The following SLC38A12 variants were observed in gnomAD, a reference collection of about 807,000 sequenced individuals.
SLC38A12 encodes solute carrier family 38 member 12.
At chr17:74,837,664 A>G in the SLC38A12 span, 5 of 985,622 alleles carry the variant, frequency 5.1e-6, no homozygotes, top group South Asian at 9.4e-5. Flanking sequence ...TGTTCACGCT[A>G]TATCCCTTGG....
At chr17:74,787,811 T>G in the SLC38A12 span, among the ~76,000 whole-genome samples, 1 of 136,812 alleles carries the variant, frequency 7.3e-6, no homozygotes, top group African/African-American at 2.7e-5. Flanking sequence ...TTTTTTTTTT[T>G]GAGACAGAAT....
the SLC38A12 span, chr17:74,795,552 G>A: frequency 9.9e-6 from 16 of 1,614,114 alleles, no homozygotes; most frequent in Non-Finnish European, 1.4e-5. Flanking sequence ...CTCCTGCGGT[G>A]TGGAAGCAGA....
chr17:74,789,068 G>A, the SLC38A12 span, among the ~76,000 whole-genome samples: 2 of 152,274 alleles, frequency 1.3e-5, no homozygotes, highest in East Asian at 1.9e-4. Flanking sequence ...CCACTTTCCC[G>A]TCTCAGCCTC....
the SLC38A12 span, among the ~76,000 whole-genome samples, chr17:74,833,441 A>G: frequency 6.6e-6 from 1 of 152,162 alleles, no homozygotes; most frequent in Non-Finnish European, 1.5e-5. Flanking sequence ...TCAGGGGTGT[A>G]TGTGTGTGTG....
At chr17:74,790,424 G>C in the SLC38A12 span, 6 of 834,786 alleles carry the variant, frequency 7.2e-6, no homozygotes, top group Non-Finnish European at 1.2e-5. Context: ...TCTGAGGCAG[G>C]CCCTGTGGTA....
the SLC38A12 span, among the ~76,000 whole-genome samples, chr17:74,801,098 A>C: frequency 6.6e-6 from 1 of 152,168 alleles, no homozygotes; most frequent in Admixed American, 6.5e-5. Flanking sequence ...GGGACATCCA[A>C]GTGCCTCCTT....
At chr17:74,838,286 C>A in the SLC38A12 span, 1 of 985,932 alleles carries the variant, frequency 1.0e-6, no homozygotes, top group South Asian at 4.7e-5. Flanking sequence ...TCTATCATTG[C>A]GACTTCCTCC....
At chr17:74,836,249 C>G in the SLC38A12 span, 2 of 1,611,430 alleles carry the variant, frequency 1.2e-6, no homozygotes, top group Non-Finnish European at 1.7e-6. The surrounding 1 kb of genome is among the most constrained non-coding windows in gnomAD (Gnocchi z 4.2). Context: ...TGGGCCTGGC[C>G]GCTGTGCGCT....
At chr17:74,782,312 C>T in the SLC38A12 span, among the ~76,000 whole-genome samples, 1 of 152,176 alleles carries the variant, frequency 6.6e-6, no homozygotes, top group South Asian at 2.1e-4. Context: ...AGGCAATACA[C>T]CCACCTCAGC....
the SLC38A12 span, among the ~76,000 whole-genome samples, chr17:74,783,170 T>A: frequency 6.6e-6 from 1 of 152,136 alleles, no homozygotes; most frequent in Non-Finnish European, 1.5e-5. Flanking sequence ...CATCCAAAAC[T>A]GGATGGTGAA....
At chr17:74,824,827 C>T in the SLC38A12 span, among the ~76,000 whole-genome samples, 1 of 152,202 alleles carries the variant, frequency 6.6e-6, no homozygotes, top group Non-Finnish European at 1.5e-5. Flanking sequence ...ACTCTCTCCA[C>T]CTCCCTCAGC....
the SLC38A12 span, chr17:74,838,872 G>A: frequency 1.9e-5 from 29 of 1,533,600 alleles, no homozygotes; most frequent in Non-Finnish European, 2.4e-5. Flanking sequence ...TCAGCTTGTG[G>A]TTTCCATTTT....
At chr17:74,822,246 A>G in the SLC38A12 span, among the ~76,000 whole-genome samples, 1 of 152,184 alleles carries the variant, frequency 6.6e-6, no homozygotes, top group African/African-American at 2.4e-5. Flanking sequence ...GCGTCTGGGG[A>G]CAGCCCGGGC....
At chr17:74,795,818 C>T in the SLC38A12 span, among the ~76,000 whole-genome samples, 3 of 152,194 alleles carry the variant, frequency 2.0e-5, no homozygotes, top group African/African-American at 7.2e-5. Flanking sequence ...AGAGTCTAGC[C>T]CCCAAGGTTC....
chr17:74,839,349 G>A, the SLC38A12 span: 151 of 579,150 alleles, frequency 2.6e-4, no homozygotes, highest in East Asian at 4.4e-3. Flanking sequence ...CTGCTGCCCC[G>A]CTCCTGGAAA....
chr17:74,804,863 C>T, the SLC38A12 span, among the ~76,000 whole-genome samples: 4 of 152,266 alleles, frequency 2.6e-5, no homozygotes, highest in Non-Finnish European at 5.9e-5. Flanking sequence ...GGAGGCTGTG[C>T]TTCACCTGAG....
At chr17:74,778,914 C>T in the SLC38A12 span, among the ~76,000 whole-genome samples, 176 of 152,180 alleles carry the variant, frequency 1.2e-3, no homozygotes, top group Non-Finnish European at 1.5e-3. Flanking sequence ...GTGATCCACC[C>T]GCCTCAGCCT....
At chr17:74,783,139 A>T in the SLC38A12 span, among the ~76,000 whole-genome samples, 1 of 152,198 alleles carries the variant, frequency 6.6e-6, no homozygotes, top group Non-Finnish European at 1.5e-5. Context: ...CAAAAAATAA[A>T]AATAAAAATT....
chr17:74,790,678 T>C, the SLC38A12 span, among the ~76,000 whole-genome samples: 3 of 151,728 alleles, frequency 2.0e-5, no homozygotes, highest in East Asian at 1.9e-4. Flanking sequence ...TGTTCATACA[T>C]GCCCCTGCCT....
Sources: allele counts gnomAD v4.1 joint callset (sites outside exome capture counted in the v4.1 genomes callset), GRCh38; gene constraint gnomAD v4.1.1; non-coding constraint Gnocchi (gnomAD v3.1); transcripts MANE v1.5; gene names NCBI Gene and HGNC (gene_info 2026-07-23, HGNC 2026-07-21).